The following C7orf78 variants were observed in gnomAD, a reference collection of about 807,000 sequenced individuals.
The protein encoded by C7orf78 is putative uncharacterized protein C7orf78.
At chr7:12,505,530 G>T in the C7orf78 span, among the ~76,000 whole-genome samples, 3 of 152,086 alleles carry the variant, frequency 2.0e-5, no homozygotes, top group African/African-American at 7.2e-5. Flanking sequence ...ACTGATCCTT[G>T]AGGTATAAAT....
the C7orf78 span, among the ~76,000 whole-genome samples, chr7:12,495,496 T>A: frequency 3.3e-5 from 5 of 152,224 alleles, no homozygotes; most frequent in Admixed American, 1.3e-4. Context: ...TCCTCTCACC[T>A]TTCTTAAGCT....
the C7orf78 span, among the ~76,000 whole-genome samples, chr7:12,518,307 A>C: frequency 6.6e-6 from 1 of 152,128 alleles, no homozygotes; most frequent in Admixed American, 6.5e-5. Context: ...GTATGCTGGC[A>C]CTGGTGTTAG....
the C7orf78 span, among the ~76,000 whole-genome samples, chr7:12,531,916 G>A: frequency 6.6e-6 from 1 of 152,270 alleles, no homozygotes; most frequent in South Asian, 2.1e-4. Context: ...AGATTTTATA[G>A]GCAGGGTGGA....
the C7orf78 span, among the ~76,000 whole-genome samples, chr7:12,486,746 G>C: frequency 3.3e-5 from 5 of 151,884 alleles, no homozygotes; most frequent in African/African-American, 1.2e-4. Context: ...GCTTCATTCT[G>C]TGTACTTCAT....
At chr7:12,505,546 A>G in the C7orf78 span, among the ~76,000 whole-genome samples, 3 of 152,278 alleles carry the variant, frequency 2.0e-5, no homozygotes, top group East Asian at 3.9e-4. Flanking sequence ...TAAATATACT[A>G]TCTTAGGTGG....
chr7:12,486,010 T>C, the C7orf78 span, among the ~76,000 whole-genome samples: 1 of 152,094 alleles, frequency 6.6e-6, no homozygotes, highest in Non-Finnish European at 1.5e-5. Context: ...TCTCCACTGA[T>C]TCAAGGTTTT....
At chr7:12,515,780 A>G in the C7orf78 span, among the ~76,000 whole-genome samples, 1 of 152,168 alleles carries the variant, frequency 6.6e-6, no homozygotes, top group African/African-American at 2.4e-5. Context: ...GACGGGTGGC[A>G]TTTTGCTCCT....
the C7orf78 span, among the ~76,000 whole-genome samples, chr7:12,486,288 T>C: frequency 5.7e-3 from 868 of 152,156 alleles, 2 homozygotes; most frequent in Non-Finnish European, 8.9e-3. Context: ...AGAAGTTATA[T>C]AGTCCATGTA....
At chr7:12,486,314 T>C in the C7orf78 span, among the ~76,000 whole-genome samples, 1 of 152,032 alleles carries the variant, frequency 6.6e-6, no homozygotes, top group Non-Finnish European at 1.5e-5. Context: ...CTATAGTTCA[T>C]ATGAGTCCTG....
chr7:12,524,853 T>G, the C7orf78 span, among the ~76,000 whole-genome samples: 5 of 150,076 alleles, frequency 3.3e-5, no homozygotes, highest in African/African-American at 1.2e-4. Flanking sequence ...AAATAAATAT[T>G]TTACTAATAA....
chr7:12,493,119 T>C, the C7orf78 span, among the ~76,000 whole-genome samples: 1 of 152,260 alleles, frequency 6.6e-6, no homozygotes, highest in East Asian at 1.9e-4. Flanking sequence ...AGAGAATTGC[T>C]TGATCCCAGG....
At chr7:12,486,369 T>G in the C7orf78 span, among the ~76,000 whole-genome samples, 1 of 151,978 alleles carries the variant, frequency 6.6e-6, no homozygotes, top group Admixed American at 6.6e-5. Context: ...CACACACTAT[T>G]CATTCAACAA....
At chr7:12,507,750 G>A in the C7orf78 span, among the ~76,000 whole-genome samples, 185 of 152,248 alleles carry the variant, frequency 1.2e-3, 2 homozygotes, top group African/African-American at 4.2e-3. Flanking sequence ...TTCCAGACAA[G>A]GTTGTAGTGT....
At chr7:12,483,599 G>C in the C7orf78 span, 27,811 of 151,942 alleles carry the variant, frequency 0.18, 2,965 homozygotes, top group Middle Eastern at 0.26. Context: ...GCCAGGTGCG[G>C]TGGCTCACGC....
At chr7:12,520,100 C>A in the C7orf78 span, among the ~76,000 whole-genome samples, 19 of 152,206 alleles carry the variant, frequency 1.2e-4, no homozygotes, top group African/African-American at 4.3e-4. Context: ...TGAGGGTATC[C>A]CACTTACCCT....
the C7orf78 span, among the ~76,000 whole-genome samples, chr7:12,498,654 C>A: frequency 1.5e-4 from 23 of 152,258 alleles, no homozygotes; most frequent in African/African-American, 4.6e-4. Flanking sequence ...AGTTGGAAAA[C>A]ACTCTGCAGG....
chr7:12,523,076 C>G, the C7orf78 span: 1 of 398,168 alleles, frequency 2.5e-6, no homozygotes, highest in African/African-American at 2.1e-5. Context: ...ACGACAGGAT[C>G]TCAACTCCAA....
the C7orf78 span, among the ~76,000 whole-genome samples, chr7:12,522,250 A>C: frequency 6.6e-6 from 1 of 152,146 alleles, no homozygotes; most frequent in South Asian, 2.1e-4. Context: ...TACTTCACCA[A>C]ATATATTCTG....
the C7orf78 span, among the ~76,000 whole-genome samples, chr7:12,527,731 C>T: frequency 1.3e-5 from 2 of 148,702 alleles, no homozygotes; most frequent in African/African-American, 2.5e-5. Flanking sequence ...AACATGTCTA[C>T]TTTCCTAGTA....
Sources: allele counts gnomAD v4.1 joint callset (sites outside exome capture counted in the v4.1 genomes callset), GRCh38; gene constraint gnomAD v4.1.1; transcripts MANE v1.5; gene names NCBI Gene and HGNC (gene_info 2026-07-23, HGNC 2026-07-21).